The following LINGO1 variants were observed in gnomAD, a reference collection of about 807,000 sequenced individuals.
LINGO1 encodes the protein leucine rich repeat and Ig domain containing 1.
Under a neutral mutation model 37.3 loss-of-function variants are expected in LINGO1, and 11 were observed. The ratio of observed to expected loss-of-function variants is 0.29; its 90% CI spans 0.19 to 0.49. LINGO1 has a LOEUF of 0.49. Ranked by LOEUF, LINGO1 falls within the 20% of genes least tolerant of loss-of-function variation. LINGO1 has a pLI of 0.99. For synonymous variants in LINGO1, 387 were observed against 403.0 expected, an observed-to-expected ratio of 0.96 and a Z score of 0.48; for missense variants, 585 against 878.2, an observed-to-expected ratio of 0.67 and a Z score of 4.22.
chr15:77,691,205 A>T (rs1310248422), intron 1 of LINGO1, among the ~76,000 whole-genome samples: 1 of 152,250 alleles, frequency 6.6e-6, no homozygotes, highest in Non-Finnish European at 1.5e-5. Context: ...CTAAATAGCC[A>T]CATGTAACCA....
chr15:77,776,414 G>A (rs190345075), intron 1 of LINGO1, among the ~76,000 whole-genome samples: 19 of 65,028 alleles, frequency 2.9e-4, no homozygotes, highest in Non-Finnish European at 5.1e-4. Flanking sequence ...TGGTGGAGGT[G>A]GTCTTGGGGG....
chr15:77,642,736 G>A (rs541035416), intron 3 of LINGO1, among the ~76,000 whole-genome samples: 2 of 152,266 alleles, frequency 1.3e-5, no homozygotes, highest in South Asian at 2.1e-4. Context: ...CTCCGGGTCC[G>A]GAAATCCCCC....
At chr15:77,761,849 C>T (rs1290641992) in intron 1 of LINGO1, among the ~76,000 whole-genome samples, 1 of 152,220 alleles carries the variant, frequency 6.6e-6, no homozygotes, top group Non-Finnish European at 1.5e-5. Flanking sequence ...CTGTCACATG[C>T]CCAGCCCCTG....
intron 1 of LINGO1, among the ~76,000 whole-genome samples, chr15:77,814,822 C>T (rs4886919): frequency 0.44 from 67,353 of 152,156 alleles, 16,663 homozygotes; most frequent in African/African-American, 0.67. Flanking sequence ...GAATCAGCGC[C>T]TAGGGTTTGG....
intron 1 of LINGO1, among the ~76,000 whole-genome samples, chr15:77,773,107 C>A (rs1009863251): frequency 6.6e-6 from 1 of 152,160 alleles, no homozygotes; most frequent in East Asian, 1.9e-4. Context: ...TGTGGAAAGG[C>A]CAGAGAAGAG....
chr15:77,660,894 G>T (rs933626638), intron 3 of LINGO1, among the ~76,000 whole-genome samples: 4 of 152,198 alleles, frequency 2.6e-5, no homozygotes, highest in Non-Finnish European at 5.9e-5. Context: ...GAGGGCTGCG[G>T]CTGTGCCTGA....
chr15:77,762,211 G>A (rs1484747241), intron 1 of LINGO1, among the ~76,000 whole-genome samples: 1 of 152,214 alleles, frequency 6.6e-6, no homozygotes, highest in African/African-American at 2.4e-5. Context: ...GGTAGAAACT[G>A]TGGCATGAGG....
At chr15:77,731,316 G>A (rs2076152822) in intron 2 of LINGO1, among the ~76,000 whole-genome samples, 1 of 152,122 alleles carries the variant, frequency 6.6e-6, no homozygotes, top group Admixed American at 6.5e-5. Context: ...GCTGAAGTGG[G>A]GAGAGACTCG....
At chr15:77,743,096 G>T (rs185021323) in intron 1 of LINGO1, among the ~76,000 whole-genome samples, 1 of 152,174 alleles carries the variant, frequency 6.6e-6, no homozygotes, top group Admixed American at 6.5e-5. Context: ...CTGAAAGGGT[G>T]GGGGGTGGAA....
chr15:77,746,771 G>A (rs2076318668), intron 1 of LINGO1, among the ~76,000 whole-genome samples: 1 of 152,152 alleles, frequency 6.6e-6, no homozygotes. Context: ...GGTGAACTGG[G>A]GGGTGTATCC....
intron 1 of LINGO1, among the ~76,000 whole-genome samples, chr15:77,750,854 A>C (rs1467722779): frequency 6.6e-6 from 1 of 152,254 alleles, no homozygotes; most frequent in Non-Finnish European, 1.5e-5. Flanking sequence ...AGGGCTTGGT[A>C]AGTGCCAGAA....
intron 2 of LINGO1, among the ~76,000 whole-genome samples, chr15:77,680,060 A>G (rs2075388481): frequency 6.6e-6 from 1 of 152,252 alleles, no homozygotes; most frequent in Admixed American, 6.5e-5. Flanking sequence ...GGCTGTGAAC[A>G]AAAGCGATGC....
chr15:77,673,509 A>G (rs993509223), intron 3 of LINGO1, among the ~76,000 whole-genome samples: 1 of 152,198 alleles, frequency 6.6e-6, no homozygotes, highest in African/African-American at 2.4e-5. Context: ...CACATGCTTG[A>G]AATGCATCTT....
intron 3 of LINGO1, among the ~76,000 whole-genome samples, chr15:77,650,101 G>A (rs1220063539): frequency 6.6e-6 from 1 of 152,210 alleles, no homozygotes; most frequent in East Asian, 1.9e-4. Flanking sequence ...ACTGTTAAGT[G>A]GTGAACAATG....
chr15:77,692,368 G>C (rs923364644), intron 1 of LINGO1, among the ~76,000 whole-genome samples: 2 of 152,222 alleles, frequency 1.3e-5, no homozygotes, highest in African/African-American at 4.8e-5. Flanking sequence ...AAGAGGACAA[G>C]GGGGCAGGGA....
intron 2 of LINGO1, among the ~76,000 whole-genome samples, chr15:77,716,027 T>C (rs758840260): frequency 2.8e-4 from 42 of 152,248 alleles, no homozygotes; most frequent in Non-Finnish European, 5.3e-4. Flanking sequence ...GCATTTACTA[T>C]GTGCCAGCCA....
chr15:77,682,092 T>G (rs942818254), intron 2 of LINGO1, among the ~76,000 whole-genome samples: 1 of 151,926 alleles, frequency 6.6e-6, no homozygotes, highest in African/African-American at 2.4e-5. Context: ...AGTGGTGAGG[T>G]TGGAAATGAA....
In LINGO1 at chr15:77,792,207, C is replaced by T. The variant is rs533967578; in HGVS notation, c.-343+3732G>A. ...CGGCTCGGGCCAAGGCTCCAGTGCC[C>T]GCCCCATTCCCAGGCTGGCCCTCTC... is the stretch of plus-strand genomic sequence containing the variant. On this transcript the variant is annotated intron_variant, in intron 2 of 5. Transcript: ENST00000562933. Among the ~76,000 whole-genome samples, 254 of 152,334 alleles carry T rather than the reference C, an allele frequency of 1.7e-3. 1 individual carries two copies. The South Asian group carries it at 0.017, about 10-fold the overall frequency.
At chr15:77,736,843 T>G (rs2076208824) in intron 1 of LINGO1, among the ~76,000 whole-genome samples, 1 of 151,438 alleles carries the variant, frequency 6.6e-6, no homozygotes, top group African/African-American at 2.4e-5. Context: ...CAGAGTAGAG[T>G]GGTGACCAGT....
Sources: allele counts gnomAD v4.1 joint callset (sites outside exome capture counted in the v4.1 genomes callset), GRCh38; gene constraint gnomAD v4.1.1; transcripts MANE v1.5; gene names NCBI Gene and HGNC (gene_info 2026-07-23, HGNC 2026-07-21).